Variants in SIPA1L2 observed in about 807,000 individuals in gnomAD.
The protein encoded by SIPA1L2 is signal-induced proliferation-associated 1-like protein 2.
In SIPA1L2, 56 loss-of-function variants were observed where a neutral mutation model predicts 163.9. That is an observed-to-expected ratio of 0.34 (90% CI 0.28 to 0.43). The LOEUF is 0.43. Among genes scored for constraint, SIPA1L2 ranks in the 20% least tolerant of loss-of-function variants. The pLI is 1.00. For synonymous variants in SIPA1L2, 877 were observed against 865.7 expected, an observed-to-expected ratio of 1.01 and a Z score of -0.23; for missense variants, 1,974 against 2,193.5, an observed-to-expected ratio of 0.90 and a Z score of 2.00.
In SIPA1L2 at chr1:232,514,422, C is replaced by T. The variant is rs1435549385; in HGVS notation, c.918G>A (p.Lys306=). ...GGCTCTCCTCCAGCTCAGACGTGAA[C>T]TTGAAAGTTTCGTGCTCACTTTTAA... ...RTVKSEHETF[K]FTSELEESRL... The change falls in exon 3 of 23, where the codon AAG becomes AAA. Residue 306 remains lysine, a synonymous_variant. Coordinates refer to ENST00000674635, the MANE Select transcript of SIPA1L2 (RefSeq NM_020808.5). 2 of 1,614,138 alleles carry T rather than the reference C, an allele frequency of 1.2e-6. No homozygotes were observed. The highest frequency in any genetic ancestry group is 1.7e-6 in the Non-Finnish European group (2 of 1,180,058).
intron 18 of SIPA1L2, among the ~76,000 whole-genome samples, chr1:232,423,552 T>C (rs1661702258): frequency 6.6e-6 from 1 of 152,210 alleles, no homozygotes; most frequent in Admixed American, 6.5e-5. Context: ...GTGTAGCTAT[T>C]GGAGGAGATG....
At chr1:232,601,707 C>T (rs757255641) in intron 1 of SIPA1L2, among the ~76,000 whole-genome samples, 19 of 152,136 alleles carry the variant, frequency 1.2e-4, no homozygotes, top group Non-Finnish European at 1.8e-4. Flanking sequence ...ACACACCAAA[C>T]GCCAAAATGT....
intron 2 of SIPA1L2, among the ~76,000 whole-genome samples, chr1:232,534,996 A>C (rs2103092756): frequency 6.6e-6 from 1 of 152,360 alleles, no homozygotes; most frequent in Admixed American, 6.5e-5. Flanking sequence ...CTAAAATGGC[A>C]ATTTCTACTC....
chr1:232,426,169 A>G (rs942423930), intron 17 of SIPA1L2, among the ~76,000 whole-genome samples: 8 of 152,270 alleles, frequency 5.3e-5, no homozygotes, highest in Admixed American at 1.3e-4. Flanking sequence ...TCAAAGCTCC[A>G]CATAATACTG....
intron 8 of SIPA1L2, among the ~76,000 whole-genome samples, chr1:232,468,074 T>C (rs1664615131): frequency 6.6e-6 from 1 of 152,228 alleles, no homozygotes; most frequent in Non-Finnish European, 1.5e-5. Flanking sequence ...ATGATTGTTA[T>C]GATATTCTGG....
chr1:232,577,462 A>C (rs1463249963), intron 1 of SIPA1L2, among the ~76,000 whole-genome samples: 1 of 152,320 alleles, frequency 6.6e-6, no homozygotes, highest in African/African-American at 2.4e-5. Flanking sequence ...TCTGACTTTT[A>C]AATTTTATTA....
rs757376549 is a variant in SIPA1L2, at chr1:232,491,111, C to A, written c.1618-49G>T. On this transcript the variant is annotated intron_variant, in intron 4 of 22. Transcript: ENST00000674635. ...TCGGTTAATATTGATTCTCAATTAC[C>A]TACTCACAGCCTAACTGTTTGGCTG... 3.3e-6 allele frequency: 5 copies of A among 1,515,172 alleles called. No homozygotes were observed. The East Asian group carries it at 9.4e-5, about 28-fold the overall frequency. 93.9% of individuals were successfully genotyped at this position (1,515,172 alleles called of 1,614,324 possible). A position where few individuals can be genotyped will look rare whatever the true frequency, so the allele number is the denominator to read the frequency against.
upstream of SIPA1L2, among the ~76,000 whole-genome samples, chr1:232,630,336 G>A (rs965847109): frequency 6.6e-6 from 1 of 151,978 alleles, no homozygotes; most frequent in Admixed American, 6.5e-5. Context: ...CGGGAGCTGC[G>A]CGTCCAGGAG....
chr1:232,613,559 T>C (rs1662359386), intron 1 of SIPA1L2, among the ~76,000 whole-genome samples: 1 of 152,144 alleles, frequency 6.6e-6, no homozygotes, highest in Non-Finnish European at 1.5e-5. Context: ...ATTCTGGAAG[T>C]TACTAGGAAT....
chr1:232,496,350 G>C (rs1008806164), intron 3 of SIPA1L2, among the ~76,000 whole-genome samples: 1 of 152,048 alleles, frequency 6.6e-6, no homozygotes, highest in Admixed American at 6.6e-5. Flanking sequence ...TCCCATCTAG[G>C]TTTCTGTAAG....
intron 3 of SIPA1L2, among the ~76,000 whole-genome samples, chr1:232,502,839 C>T (rs772904116): frequency 2.0e-5 from 3 of 152,226 alleles, no homozygotes; most frequent in Non-Finnish European, 4.4e-5. Flanking sequence ...TAATGTAAGA[C>T]GCTGCCTAGC....
intron 2 of SIPA1L2, among the ~76,000 whole-genome samples, chr1:232,552,446 G>A (rs2103138810): frequency 6.6e-6 from 1 of 151,988 alleles, no homozygotes; most frequent in East Asian, 2.0e-4. Context: ...CTGGAGCACA[G>A]TGGTGCAATC....
intron 18 of SIPA1L2, among the ~76,000 whole-genome samples, chr1:232,417,995 C>T (rs1280681696): frequency 1.3e-5 from 2 of 152,176 alleles, no homozygotes; most frequent in African/African-American, 2.4e-5. Flanking sequence ...TTCAGATACA[C>T]GGCCATTTCT....
At chr1:232,441,534 A>G in intron 13 of SIPA1L2, 140 bp from the exon 14 acceptor site, 1 of 818,552 alleles carries the variant, frequency 1.2e-6, no homozygotes, top group Non-Finnish European at 2.0e-6. Context: ...ACCAATGGAT[A>G]TGTCACAAAA....
intron 12 of SIPA1L2, among the ~76,000 whole-genome samples, chr1:232,443,260 A>G (rs1186920263): frequency 6.6e-6 from 1 of 152,216 alleles, no homozygotes; most frequent in African/African-American, 2.4e-5. Flanking sequence ...CAGGAAGCAA[A>G]AAAGCCAAAC....
In SIPA1L2 at chr1:232,402,484, A is replaced by C. The variant is rs1436826130; in HGVS notation, c.4941-11T>G. 1 of 1,609,450 alleles carries C rather than the reference A, an allele frequency of 6.2e-7. No individual in the cohort carries two copies. The highest frequency in any genetic ancestry group is 1.7e-5 in the Admixed American group (1 of 59,292). On this transcript the variant is annotated splice_polypyrimidine_tract_variant and intron_variant, in intron 21 of 22. Coordinates refer to ENST00000674635, the MANE Select transcript of SIPA1L2 (RefSeq NM_020808.5). ...GATGGAGAACGCTCCCTAGCAAATAAGGATAGAATTAGAAAGATTCAAGAG... is the reference window on the plus strand; with the variant it reads ...GATGGAGAACGCTCCCTAGCAAATACGGATAGAATTAGAAAGATTCAAGAG...
intron 1 of SIPA1L2, among the ~76,000 whole-genome samples, chr1:232,627,156 G>C (rs1663122362): frequency 6.6e-6 from 1 of 152,106 alleles, no homozygotes; most frequent in South Asian, 2.1e-4. Flanking sequence ...ACCATAAATT[G>C]ATCAGAAGTT....
chr1:232,425,846 TA>T, intron 17 of SIPA1L2, 38 bp from the exon 18 acceptor site: 2 of 1,571,082 alleles, frequency 1.3e-6, no homozygotes, highest in Non-Finnish European at 8.7e-7. Flanking sequence ...GAACAGACAT[TA>T]AAAAAACGAA....
At chr1:232,434,596 G>T (rs979771533) in intron 15 of SIPA1L2, among the ~76,000 whole-genome samples, 2 of 152,240 alleles carry the variant, frequency 1.3e-5, no homozygotes, top group Middle Eastern at 3.4e-3. Context: ...CAATCAACAG[G>T]CATGAATAAT....
Sources: gnomAD v4.1 joint callset for allele counts (sites outside exome capture counted in the v4.1 genomes callset) on GRCh38, gnomAD v4.1.1 for gene constraint, MANE v1.5 for transcripts, NCBI Gene and HGNC (gene_info 2026-07-23, HGNC 2026-07-21) for gene names.